The following RYR2 variants were observed in gnomAD, a reference collection of about 807,000 sequenced individuals.
The protein encoded by RYR2 is ryanodine receptor 2.
In RYR2, 227 loss-of-function variants were observed where a neutral mutation model predicts 601.1. That is an observed-to-expected ratio of 0.38 (90% CI 0.34 to 0.42). The LOEUF is 0.42. Ranked by LOEUF, RYR2 falls within the 10% of genes least tolerant of loss-of-function variation. RYR2 has a pLI of 1.00. For missense variants in RYR2, 4,646 were observed against 6,156.5 expected, an observed-to-expected ratio of 0.75 and a Z score of 8.21; for synonymous variants, 2,223 against 2,175.1, an observed-to-expected ratio of 1.02 and a Z score of -0.61.
At chr1:237,117,661 CT>C (rs1670238534) in intron 1 of RYR2, among the ~76,000 whole-genome samples, 1 of 147,656 alleles carries the variant, frequency 6.8e-6, no homozygotes, top group Non-Finnish European at 1.5e-5. Context: ...TTCTCCTCTT[CT>C]CTTCTCTTCC....
intron 25 of RYR2, among the ~76,000 whole-genome samples, chr1:237,543,431 A>G (rs1018694262): frequency 2.6e-5 from 4 of 152,208 alleles, no homozygotes; most frequent in Non-Finnish European, 5.9e-5. Flanking sequence ...AATATTCTCT[A>G]TATGTTTTCT....
intron 84 of RYR2, among the ~76,000 whole-genome samples, chr1:237,764,536 CTTCCCGGG>C (rs1389399470): frequency 6.6e-6 from 1 of 151,652 alleles, no homozygotes; most frequent in Non-Finnish European, 1.5e-5. Flanking sequence ...GCAACCTCCA[CTTCCCGGG>C]TTCAAGCGAT....
At chr1:237,205,059 G>C (rs1414733963) in intron 1 of RYR2, among the ~76,000 whole-genome samples, 7 of 152,202 alleles carry the variant, frequency 4.6e-5, no homozygotes, top group Admixed American at 2.6e-4. Context: ...GTAGGGCCAG[G>C]TGGGGCCTGG....
chr1:237,569,845 A>G (rs1168277937), intron 29 of RYR2, among the ~76,000 whole-genome samples: 1 of 152,144 alleles, frequency 6.6e-6, no homozygotes, highest in Non-Finnish European at 1.5e-5. Context: ...AAAATGCAGA[A>G]AGCTCTGTGG....
chr1:237,519,930 T>C (rs80328839), intron 24 of RYR2, among the ~76,000 whole-genome samples: 13 of 151,890 alleles, frequency 8.6e-5, no homozygotes, highest in South Asian at 6.2e-4. Context: ...GTTTTTGTGT[T>C]TGTTTGCATC....
At chr1:237,795,625 A>ATTT (rs3039719) in intron 96 of RYR2, among the ~76,000 whole-genome samples, 3 of 149,924 alleles carry the variant, frequency 2.0e-5, no homozygotes, top group Admixed American at 6.6e-5. Context: ...TAATTTTTGT[A>ATTT]TTTTTAGTCG....
In RYR2 at chr1:237,511,678, C is replaced by A. The variant is rs898992768; in HGVS notation, c.2719-10C>A. 35 of 1,551,480 alleles carry A rather than the reference C, an allele frequency of 2.3e-5. No individual in the cohort carries two copies. The highest frequency in any genetic ancestry group is 3.1e-5 in the Non-Finnish European group (35 of 1,144,214). ...AGACTATTTTATGTCAATTTCCTGT[C>A]CTGTTTCAGGTTAGAGATGACAACA... On this transcript the variant is annotated splice_polypyrimidine_tract_variant and intron_variant, in intron 23 of 104. Transcript: ENST00000366574.
intron 60 of RYR2, 145 bp downstream of exon 60, chr1:237,674,991 C>T (rs573896664): frequency 3.0e-5 from 13 of 427,724 alleles, no homozygotes; most frequent in Admixed American, 2.0e-4. Context: ...TAGAGTTCAA[C>T]GGTCAATGGA....
chr1:237,086,085 C>T (rs769905502), intron 1 of RYR2, among the ~76,000 whole-genome samples: 2 of 152,232 alleles, frequency 1.3e-5, no homozygotes, highest in African/African-American at 2.4e-5. Context: ...AAGGCATGCT[C>T]TGTTAATGCC....
chr1:237,200,553 C>T lies in RYR2; in HGVS notation c.49-69944C>T, dbSNP rs541225699. On this transcript the variant is annotated intron_variant, in intron 1 of 104. Transcript: ENST00000366574. ...GTGCTGGGATTATAGGCGTGAGCCA[C>T]TGCACCTGGCCCCATTCCATTCTTT... is the stretch of plus-strand genomic sequence containing the variant. 4.6e-4 allele frequency among the ~76,000 whole-genome samples: 70 copies of T among 152,326 alleles called. 1 individual carries two copies. The highest frequency in any genetic ancestry group is 3.5e-4 in the Non-Finnish European group (24 of 68,032).
chr1:237,181,172 T>C (rs2148953134), intron 1 of RYR2, among the ~76,000 whole-genome samples: 1 of 152,114 alleles, frequency 6.6e-6, no homozygotes, highest in Middle Eastern at 3.4e-3. Context: ...TTAGTACAGA[T>C]GGAGTTTTAC....
chr1:237,627,384 AC>A, intron 40 of RYR2, among the ~76,000 whole-genome samples: 1 of 152,324 alleles, frequency 6.6e-6, no homozygotes, highest in East Asian at 1.9e-4. Flanking sequence ...GGATAAGCAT[AC>A]CTTTTTGAAT....
At chr1:237,568,631 A>G (rs1025725602) in intron 28 of RYR2, among the ~76,000 whole-genome samples, 1 of 152,204 alleles carries the variant, frequency 6.6e-6, no homozygotes, top group Admixed American at 6.5e-5. Context: ...CTAGATTTCC[A>G]TTTTGTTAAA....
intron 10 of RYR2, among the ~76,000 whole-genome samples, chr1:237,401,442 T>G (rs570011321): frequency 2.6e-5 from 4 of 152,232 alleles, no homozygotes; most frequent in African/African-American, 7.2e-5. Context: ...ATTCAATAAC[T>G]CACTAGAATG....
chr1:237,330,355 C>T (rs1388406041), intron 2 of RYR2, among the ~76,000 whole-genome samples: 2 of 152,116 alleles, frequency 1.3e-5, no homozygotes, highest in Admixed American at 6.5e-5. Context: ...TATTGTTGCT[C>T]AATAAATGGC....
rs75455154 is a variant in RYR2 at position 237,374,425 on chromosome 1, A to G, written c.385-292A>G. 2.7e-3 allele frequency among the ~76,000 whole-genome samples: 405 copies of G among 152,164 alleles called. 3 individuals carry two copies. Among genetic ancestry groups the G allele is most frequent in the African/African-American group, 9.4e-3 (389 of 41,526 alleles). The stretch of plus-strand genomic sequence containing the variant: ...GTGGTCCCAGCTACTTGGGAACCTG[A>G]GGTAGGAGGATCACTTGAGTCTAGG... On this transcript the variant is annotated intron_variant, in intron 6 of 104. Coordinates refer to ENST00000366574, the MANE Select transcript of RYR2 (RefSeq NM_001035.3).
intron 1 of RYR2, among the ~76,000 whole-genome samples, chr1:237,241,807 G>A (rs1686198942): frequency 1.3e-5 from 2 of 152,276 alleles, no homozygotes; most frequent in East Asian, 1.9e-4. Context: ...CATGGCCTTT[G>A]TAAACTGTCA....
At chr1:237,215,941 T>C (rs1235976008) in intron 1 of RYR2, among the ~76,000 whole-genome samples, 1 of 152,212 alleles carries the variant, frequency 6.6e-6, no homozygotes, top group East Asian at 1.9e-4. Flanking sequence ...GGTTACACAT[T>C]TTAACCAATT....
intron 25 of RYR2, among the ~76,000 whole-genome samples, chr1:237,537,208 A>C (rs575591309): frequency 3.9e-5 from 6 of 152,364 alleles, no homozygotes; most frequent in African/African-American, 1.2e-4. Flanking sequence ...TTTTGTACTC[A>C]TGCAAAACAA....
Sources: gnomAD v4.1 joint callset for allele counts (sites outside exome capture counted in the v4.1 genomes callset) on GRCh38, gnomAD v4.1.1 for gene constraint, MANE v1.5 for transcripts, NCBI Gene and HGNC (gene_info 2026-07-23, HGNC 2026-07-21) for gene names.